RANBP3L: variants seen among roughly 807,000 people sequenced by gnomAD.
The protein encoded by RANBP3L is ran-binding protein 3-like.
Under a neutral mutation model 67.2 loss-of-function variants are expected in RANBP3L, and 56 were observed. That is an observed-to-expected ratio of 0.83 (90% CI 0.67 to 1.04). The LOEUF is 1.04. RANBP3L is among the 50% of genes least tolerant of loss of function. The pLI is 0.00. For missense variants in RANBP3L, 496 were observed against 535.5 expected (o/e 0.93, Z 0.73); for synonymous variants, 164 against 181.4 (o/e 0.90, Z 0.77).
At chr5:36,273,173 T>A (rs1750343304) in intron 1 of RANBP3L, among the ~76,000 whole-genome samples, 1 of 152,236 alleles carries the variant, frequency 6.6e-6, no homozygotes, top group South Asian at 2.1e-4. Context: ...TGCAGTGGAA[T>A]ATTTATCAGT....
chr5:36,260,961 C>G, intron 7 of RANBP3L, 97 bp from the exon 8 acceptor site: 1 of 611,526 alleles, frequency 1.6e-6, no homozygotes, highest in East Asian at 2.9e-5. Flanking sequence ...TTATGTAAAT[C>G]AAATTTACTG....
intron 1 of RANBP3L, among the ~76,000 whole-genome samples, chr5:36,284,684 G>C (rs1214917835): frequency 6.6e-6 from 1 of 152,162 alleles, no homozygotes; most frequent in Admixed American, 6.6e-5. Flanking sequence ...ATGCAGTGTG[G>C]GACATAGGGG....
intron 8 of RANBP3L, among the ~76,000 whole-genome samples, chr5:36,259,480 G>T (rs1171838647): frequency 6.6e-6 from 1 of 152,052 alleles, no homozygotes; most frequent in East Asian, 1.9e-4. Flanking sequence ...CTACTCGGGA[G>T]GCTGAAGTGG....
chr5:36,289,288 A>G (rs1289976190), intron 1 of RANBP3L, among the ~76,000 whole-genome samples: 1 of 152,086 alleles, frequency 6.6e-6, no homozygotes, highest in African/African-American at 2.4e-5. Context: ...CTATCCTTAC[A>G]CTGATATCAT....
chr5:36,265,700 C>T (rs1190982729), intron 4 of RANBP3L, among the ~76,000 whole-genome samples, 180 bp from the exon 5 acceptor site: 2 of 152,138 alleles, frequency 1.3e-5, no homozygotes, highest in African/African-American at 4.8e-5. Flanking sequence ...CAGCCAGGCG[C>T]GGTGGCTCGC....
At chr5:36,271,919 T>C (rs1750243286) in intron 1 of RANBP3L, among the ~76,000 whole-genome samples, 2 of 152,192 alleles carry the variant, frequency 1.3e-5, no homozygotes, top group Admixed American at 6.5e-5. Context: ...GATATGGCAA[T>C]AGAGAGAAAC....
intron 1 of RANBP3L, among the ~76,000 whole-genome samples, chr5:36,282,357 A>G (rs947299160): frequency 3.9e-5 from 6 of 152,196 alleles, no homozygotes; most frequent in African/African-American, 1.2e-4. Context: ...AACATTGAAG[A>G]GGTACTTTTG....
chr5:36,281,606 C>A (rs1465557331), intron 1 of RANBP3L, among the ~76,000 whole-genome samples: 1 of 152,108 alleles, frequency 6.6e-6, no homozygotes, highest in African/African-American at 2.4e-5. Flanking sequence ...TCTGTATAAA[C>A]CTGGTTGGGA....
chr5:36,264,089 A>G (rs1416375814), intron 6 of RANBP3L, among the ~76,000 whole-genome samples: 2 of 152,250 alleles, frequency 1.3e-5, no homozygotes, highest in African/African-American at 4.8e-5. Context: ...CTTTGCTGAT[A>G]TAAAAAGATG....
At position 36,256,960 on chromosome 5, in the gene RANBP3L, G is replaced by A. The variant is rs542961290; in HGVS notation, c.884C>T (p.Thr295Ile). 1 of 1,613,028 alleles carries A rather than the reference G, an allele frequency of 6.2e-7. No homozygotes were observed. The highest frequency in any genetic ancestry group is 8.5e-7 in the Non-Finnish European group (1 of 1,179,312). The change falls in exon 10 of 14, where the codon ACA becomes ATA. Residue 295 changes from threonine to isoleucine, a missense_variant. Physicochemically the swap from Thr to Ile is moderately conservative, Grantham distance 89. Transcript: ENST00000296604. ...ACAGACCTTTAACACATTATGTTCT[G>A]TTTCCTCCCCTGTTATAACATCAAT... ...EKIDVITGEE[T>I]EHNVLKINCK... is the part of the protein sequence containing the mutation.
chr5:36,265,684 G>T (rs1427392052), intron 4 of RANBP3L, among the ~76,000 whole-genome samples, 164 bp from the exon 5 acceptor site: 2 of 152,254 alleles, frequency 1.3e-5, no homozygotes, highest in Admixed American at 6.5e-5. Context: ...CGAAAAATGG[G>T]ATTGCCAGCC....
chr5:36,295,690 T>C (rs1752163467), intron 1 of RANBP3L, among the ~76,000 whole-genome samples: 1 of 151,118 alleles, frequency 6.6e-6, no homozygotes, highest in Non-Finnish European at 1.5e-5. Flanking sequence ...TTTTTTTTTT[T>C]TTCAAATAGT....
intron 1 of RANBP3L, among the ~76,000 whole-genome samples, chr5:36,279,837 G>A (rs115002164): frequency 6.6e-6 from 1 of 152,086 alleles, no homozygotes; most frequent in African/African-American, 2.4e-5. Context: ...ATTCATTTAT[G>A]ACTAACACCC....
At chr5:36,288,841 A>G (rs1181525460) in intron 1 of RANBP3L, among the ~76,000 whole-genome samples, 4 of 151,914 alleles carry the variant, frequency 2.6e-5, no homozygotes, top group Non-Finnish European at 4.4e-5. Flanking sequence ...AAGAGTTTTT[A>G]ACATATTCTG....
In RANBP3L at chr5:36,261,934, C is replaced by T. The variant is rs199949099; in HGVS notation, c.584+5G>A. 1.1e-3 allele frequency: 1,539 copies of T among 1,347,754 alleles called. 5 individuals carry two copies. The highest frequency in any genetic ancestry group is 1.2e-3 in the Non-Finnish European group (1,171 of 951,848). 83.5% of individuals were successfully genotyped at this position (1,347,754 alleles called of 1,614,324 possible). A position where few individuals can be genotyped will look rare whatever the true frequency, so the allele number is the denominator to read the frequency against. On this transcript the variant is annotated splice_donor_5th_base_variant and intron_variant, in intron 7 of 13. Transcript: ENST00000296604. ...GACAACGCTTCTATTTTCTCATTAA[C>T]TTACCCTACTGATGTTGCACCTAAA...
At chr5:36,270,388 G>T (rs1043283944) in intron 2 of RANBP3L, among the ~76,000 whole-genome samples, 2 of 152,178 alleles carry the variant, frequency 1.3e-5, no homozygotes, top group African/African-American at 4.8e-5. Context: ...GGGCTTGGAG[G>T]TTGAGTGTTT....
At chr5:36,298,117 G>A (rs1752357638) in intron 1 of RANBP3L, among the ~76,000 whole-genome samples, 1 of 151,810 alleles carries the variant, frequency 6.6e-6, no homozygotes, top group African/African-American at 2.4e-5. Flanking sequence ...TCACCAATAT[G>A]GTGAAACCCC....
At chr5:36,271,367 A>C in intron 1 of RANBP3L, 56 bp from the exon 2 acceptor site, 1 of 1,115,276 alleles carries the variant, frequency 9.0e-7, no homozygotes, top group South Asian at 1.3e-5. Context: ...CATTTCTTAC[A>C]TCATCTAAAA....
intron 11 of RANBP3L, among the ~76,000 whole-genome samples, chr5:36,254,073 A>G (rs966369722): frequency 6.6e-6 from 1 of 152,148 alleles, no homozygotes; most frequent in Non-Finnish European, 1.5e-5. Flanking sequence ...ATATTTGTCC[A>G]CGAATTGTCT....
Sources: allele counts gnomAD v4.1 joint callset (sites outside exome capture counted in the v4.1 genomes callset), GRCh38; gene constraint gnomAD v4.1.1; transcripts MANE v1.5; gene names NCBI Gene and HGNC (gene_info 2026-07-23, HGNC 2026-07-21).